Variants in ARHGAP20 observed in about 807,000 individuals in gnomAD.
ARHGAP20 encodes the protein Rho GTPase activating protein 20.
Under a neutral mutation model 73.7 loss-of-function variants are expected in ARHGAP20, and 34 were observed. That is an observed-to-expected ratio of 0.46 (90% CI 0.35 to 0.61). The LOEUF is 0.61. ARHGAP20 is among the 20% of genes least tolerant of loss of function. ARHGAP20 has a pLI of 0.00. For missense variants in ARHGAP20, 1,314 were observed against 1,420.9 expected (o/e 0.92, Z 1.21); for synonymous variants, 523 against 518.2 (o/e 1.01, Z -0.13).
intron 11 of ARHGAP20, among the ~76,000 whole-genome samples, chr11:110,589,893 G>A (rs1287728329): frequency 6.6e-6 from 1 of 152,208 alleles, no homozygotes; most frequent in Non-Finnish European, 1.5e-5. Context: ...GGCTGACGCA[G>A]GTGGATCACC....
chr11:110,685,560 T>C (rs35870225), intron 2 of ARHGAP20, among the ~76,000 whole-genome samples: 23,948 of 151,978 alleles, frequency 0.16, 1,943 homozygotes, highest in South Asian at 0.29. Flanking sequence ...CAAAGAACAC[T>C]GGAGATAAAA....
At chr11:110,619,666 G>A (rs1218842156) in intron 4 of ARHGAP20, among the ~76,000 whole-genome samples, 6 of 151,798 alleles carry the variant, frequency 4.0e-5, no homozygotes, top group African/African-American at 1.5e-4. Context: ...TAGTGATAGA[G>A]TATATGCAGT....
At chr11:110,642,731 T>C (rs921085120) in intron 2 of ARHGAP20, among the ~76,000 whole-genome samples, 3 of 152,154 alleles carry the variant, frequency 2.0e-5, no homozygotes, top group African/African-American at 7.2e-5. Flanking sequence ...CTCAAGGATA[T>C]TGGCCTGTAG....
chr11:110,669,986 T>C (rs761541117), intron 2 of ARHGAP20, among the ~76,000 whole-genome samples: 3 of 152,120 alleles, frequency 2.0e-5, no homozygotes, highest in Non-Finnish European at 4.4e-5. Context: ...TAATAAAAAG[T>C]AGCATGGTAT....
In ARHGAP20 at chr11:110,583,734, T is replaced by C; in HGVS notation, c.1419A>G (p.Leu473=). 6.4e-7 allele frequency: 1 copy of C among 1,570,664 alleles called. No homozygotes were observed. Among genetic ancestry groups the C allele is most frequent in the East Asian group, 2.3e-5 (1 of 44,128 alleles). ...CATTGGCTCTCGGAAGCTGGTCTAA[T>C]AGCCTAAAGACAGAAAAATTACTCT... is the stretch of plus-strand genomic sequence containing the variant. The part of the protein sequence containing the change: ...DEEKINTVQR[L]LDQLPRANVV... Residue 473 remains leucine (L), a synonymous_variant, in exon 13 of 15, where the codon CTA becomes CTG. Transcript: ENST00000683387.
Position 110,578,772 on chromosome 11 carries a change from C to T in ARHGAP20, c.*598G>A. 1 of 985,542 alleles carries T rather than the reference C, an allele frequency of 1.0e-6. No individual in the cohort carries two copies. Among genetic ancestry groups the T allele is most frequent in the Non-Finnish European group, 1.2e-6 (1 of 829,944 alleles). 61.0% of individuals were successfully genotyped at this position (985,542 alleles called of 1,614,324 possible). On this transcript the variant is annotated 3_prime_UTR_variant, in exon 15 of 15. Coordinates refer to ENST00000683387, the MANE Select transcript of ARHGAP20 (RefSeq NM_001384657.1). The stretch of plus-strand genomic sequence containing the variant: ...TTTTGAGTCACTCTGTTTTTCTCCA[C>T]TCTAGCTGTAGCAATGGGCTGGTTC...
chr11:110,688,296 G>C (rs1168507938), intron 2 of ARHGAP20, among the ~76,000 whole-genome samples: 1 of 149,736 alleles, frequency 6.7e-6, no homozygotes, highest in Non-Finnish European at 1.5e-5. Context: ...CCCCCAATGT[G>C]AACCACTGGT....
chr11:110,649,104 T>A (rs1187217579), intron 2 of ARHGAP20, among the ~76,000 whole-genome samples: 1 of 148,494 alleles, frequency 6.7e-6, no homozygotes, highest in Non-Finnish European at 1.5e-5. Context: ...CAAACAAAAA[T>A]AAAGACAAGT....
intron 3 of ARHGAP20, among the ~76,000 whole-genome samples, chr11:110,630,187 G>A (rs1446766412): frequency 1.3e-5 from 2 of 152,072 alleles, no homozygotes; most frequent in Admixed American, 6.6e-5. Flanking sequence ...ATATCTGAAT[G>A]GCTGATTGCT....
intron 9 of ARHGAP20, among the ~76,000 whole-genome samples, chr11:110,595,622 C>T (rs2134841318): frequency 6.6e-6 from 1 of 152,252 alleles, no homozygotes; most frequent in East Asian, 1.9e-4. Flanking sequence ...AACTACAAAC[C>T]ACTGCCCAAT....
intron 8 of ARHGAP20, among the ~76,000 whole-genome samples, chr11:110,608,029 G>A (rs1233626257): frequency 6.6e-6 from 1 of 152,158 alleles, no homozygotes; most frequent in East Asian, 1.9e-4. Context: ...CTCTGTGCAT[G>A]ATCACTTTCT....
intron 1 of ARHGAP20, among the ~76,000 whole-genome samples, chr11:110,701,977 T>C (rs1337848032): frequency 1.3e-5 from 2 of 152,204 alleles, no homozygotes; most frequent in Non-Finnish European, 2.9e-5. Flanking sequence ...GCTGTTTTGG[T>C]AACTGTAGCC....
intron 9 of ARHGAP20, among the ~76,000 whole-genome samples, chr11:110,592,659 G>C (rs757098537): frequency 6.6e-6 from 1 of 152,048 alleles, no homozygotes; most frequent in Non-Finnish European, 1.5e-5. Flanking sequence ...AAAGGAGGAA[G>C]AAAAAGGAAG....
At chr11:110,582,479 T>G (rs200140961) in intron 13 of ARHGAP20, 44 bp from the exon 14 acceptor site, 5 of 1,260,200 alleles carry the variant, frequency 4.0e-6, no homozygotes, top group Non-Finnish European at 5.8e-6. Flanking sequence ...TCATATTACA[T>G]GTTTATAAAT....
chr11:110,601,013 T>G (rs1211841981), intron 9 of ARHGAP20, among the ~76,000 whole-genome samples: 1 of 152,234 alleles, frequency 6.6e-6, no homozygotes, highest in African/African-American at 2.4e-5. Context: ...GAAAGCTAAT[T>G]AGAGAAAGCT....
In ARHGAP20 at chr11:110,585,408, C is replaced by CCTTGGTTTCTGGTGTCTTCA. The variant is rs372880180; in HGVS notation, c.1415+788_1415+807dup. On this transcript the variant is annotated intron_variant, in intron 12 of 14. Transcript: ENST00000683387. ...GTGGAGGTGGTATTTTGTTAAACGGCCTTGGTTTCTGGTGTCTTCAGCAGC... is the reference window on the plus strand; with the variant it reads ...GTGGAGGTGGTATTTTGTTAAACGGCCTTGGTTTCTGGTGTCTTCACTTGGTTTCTGGTGTCTTCAGCAGC... Among the ~76,000 whole-genome samples, 848 of 152,124 alleles carry CCTTGGTTTCTGGTGTCTTCA rather than the reference C, an allele frequency of 5.6e-3. 11 individuals are homozygous for CCTTGGTTTCTGGTGTCTTCA. The highest frequency in any genetic ancestry group is 0.023 in the South Asian group (113 of 4,816).
chr11:110,658,768 T>C (rs1004268339), intron 2 of ARHGAP20, among the ~76,000 whole-genome samples: 55 of 139,896 alleles, frequency 3.9e-4, no homozygotes, highest in African/African-American at 1.4e-3. Flanking sequence ...AGTACTCAGG[T>C]TGTTGTTATT....
Position 110,592,028 on chromosome 11 carries a change from T to C in ARHGAP20, c.1092A>G (p.Gly364=), listed in dbSNP as rs766619534. ...TCTCACAAATATTTGGCAGAGAAAT[T>C]CCAAAGAGCTGTCCTGGCATAGGTG... The part of the protein sequence containing the change: ...PTSPMPGQLF[G]ISLPNICEND... The change falls in exon 10 of 15, where the codon GGA becomes GGG. Residue 364 remains glycine (G), a synonymous_variant. Coordinates refer to ENST00000683387, the MANE Select transcript of ARHGAP20 (RefSeq NM_001384657.1). 9 of 1,614,116 alleles carry C rather than the reference T, an allele frequency of 5.6e-6. No homozygotes were observed. The highest frequency in any genetic ancestry group is 7.6e-6 in the Non-Finnish European group (9 of 1,179,998).
chr11:110,644,958 C>G (rs909533461), intron 2 of ARHGAP20, among the ~76,000 whole-genome samples: 1 of 151,700 alleles, frequency 6.6e-6, no homozygotes. Flanking sequence ...TCAAATAACC[C>G]CATTAAAAAT....
Sources: allele counts gnomAD v4.1 joint callset (sites outside exome capture counted in the v4.1 genomes callset), GRCh38; gene constraint gnomAD v4.1.1; transcripts MANE v1.5; gene names NCBI Gene and HGNC (gene_info 2026-07-23, HGNC 2026-07-21).